The following PIGR variants were observed in gnomAD, a reference collection of about 807,000 sequenced individuals.
PIGR encodes the protein polymeric immunoglobulin receptor, also known as hepatocellular carcinoma associated protein TB6.
Under a neutral mutation model 69.5 loss-of-function variants are expected in PIGR, and 22 were observed. The observed-to-expected ratio is 0.32, with a 90% CI of 0.23 to 0.45. PIGR has a LOEUF of 0.45. Among genes scored for constraint, PIGR ranks in the 20% least tolerant of loss-of-function variants. The pLI, the probability that PIGR is intolerant of heterozygous loss-of-function variation, is 1.00. For missense variants in PIGR, 885 were observed against 974.0 expected, an observed-to-expected ratio of 0.91 and a Z score of 1.22; for synonymous variants, 413 against 407.6, an observed-to-expected ratio of 1.01 and a Z score of -0.16.
chr1:206,939,429 C>T lies in PIGR; in HGVS notation c.78G>A (p.Glu26=). Residue 26 remains glutamate, a synonymous_variant, in exon 3 of 11, where the codon GAG becomes GAA. Coordinates refer to ENST00000356495, the MANE Select transcript of PIGR (RefSeq NM_002644.4). ...AGTTACCTTCCACACTATTCACCTC[C>T]TCGGGACCAAATATGGGACTCTTCG... ...ISTKSPIFGP[E]EVNSVEGNSV... is the part of the protein sequence containing the mutation. 6.2e-7 allele frequency: 1 copy of T among 1,609,346 alleles called. No homozygotes were observed. The highest frequency in any genetic ancestry group is 8.5e-7 in the Non-Finnish European group (1 of 1,176,058).
intron 6 of PIGR, among the ~76,000 whole-genome samples, chr1:206,933,593 G>C (rs1449499080): frequency 6.6e-6 from 1 of 152,166 alleles, no homozygotes; most frequent in Non-Finnish European, 1.5e-5. Flanking sequence ...GATTTCTTGA[G>C]GGACTACAAA....
intron 8 of PIGR, 35 bp downstream of exon 8, chr1:206,932,421 G>A: frequency 6.3e-7 from 1 of 1,587,820 alleles, no homozygotes; most frequent in Non-Finnish European, 8.6e-7. Flanking sequence ...GGCTCGGGTT[G>A]GAGGTGGGAG....
intron 8 of PIGR, among the ~76,000 whole-genome samples, chr1:206,932,047 C>T (rs977275139): frequency 1.3e-5 from 2 of 152,172 alleles, no homozygotes; most frequent in African/African-American, 4.8e-5. Context: ...ACAGCATCTC[C>T]TTTGGTCCTC....
At position 206,933,125 on chromosome 1, in the gene PIGR, C is replaced by G. The variant is rs767466182; in HGVS notation, c.1747G>C (p.Asp583His). 8.7e-6 allele frequency: 14 copies of G among 1,614,186 alleles called. No individual in the cohort carries two copies. The highest frequency in any genetic ancestry group is 1.1e-5 in the Non-Finnish European group (13 of 1,180,028). ...VSLAKADAAP[D>H]EKVLDSGFRE... ...AAACCAGAGTCTAGCACCTTCTCAT[C>G]AGGAGCAGCGTCTGCCTTCGCTAGG... The change falls in exon 7 of 11, where the codon GAT becomes CAT. Residue 583 changes from aspartate to histidine, a missense_variant. Transcript: ENST00000356495.
intron 7 of PIGR, 68 bp from the exon 8 acceptor site, chr1:206,932,645 G>A (rs569123346): frequency 9.2e-6 from 14 of 1,518,826 alleles, no homozygotes; most frequent in East Asian, 7.0e-5. Flanking sequence ...GTGCTGGCAA[G>A]GTTGGCTTAG....
intron 3 of PIGR, among the ~76,000 whole-genome samples, chr1:206,938,304 T>C (rs1304476722): frequency 1.3e-5 from 2 of 152,232 alleles, no homozygotes; most frequent in African/African-American, 4.8e-5. Flanking sequence ...AGCATGTTCT[T>C]CTAAGTGTCC....
intron 2 of PIGR, among the ~76,000 whole-genome samples, chr1:206,940,030 T>C (rs1297598004): frequency 1.3e-5 from 2 of 152,270 alleles, no homozygotes; most frequent in African/African-American, 4.8e-5. Context: ...CCATTGTTTT[T>C]TCAAACAATA....
At chr1:206,944,184 G>T (rs180929801) in intron 1 of PIGR, among the ~76,000 whole-genome samples, 1 of 152,210 alleles carries the variant, frequency 6.6e-6, no homozygotes, top group South Asian at 2.1e-4. Context: ...CTTATAAGGA[G>T]ACACCTGGGG....
chr1:206,938,219 A>C (rs575322420), intron 3 of PIGR, among the ~76,000 whole-genome samples: 1 of 152,318 alleles, frequency 6.6e-6, no homozygotes, highest in South Asian at 2.1e-4. Flanking sequence ...CAAGAGTCTA[A>C]ATGTGAAATG....
At chr1:206,938,476 G>A (rs1327643365) in intron 3 of PIGR, among the ~76,000 whole-genome samples, 1 of 152,138 alleles carries the variant, frequency 6.6e-6, no homozygotes. Context: ...TCTTTTCTCC[G>A]TAGACCTCTC....
intron 1 of PIGR, among the ~76,000 whole-genome samples, chr1:206,943,985 G>T (rs1328448964): frequency 2.0e-5 from 3 of 152,188 alleles, no homozygotes; most frequent in Non-Finnish European, 4.4e-5. Context: ...GCCCAAGGTT[G>T]CACAGTTGGT....
In PIGR at chr1:206,930,673, C is replaced by T. The variant is rs1679721676; in HGVS notation, c.2200-260G>A. On this transcript the variant is annotated intron_variant, in intron 10 of 10. Coordinates refer to ENST00000356495, the MANE Select transcript of PIGR (RefSeq NM_002644.4). This position sits in a 1 kb window ranked among gnomAD's most constrained non-coding sequence, Gnocchi z 4.3. The stretch of plus-strand genomic sequence containing the variant: ...CACGGAGTGGAACCGCCTCTGTTGC[C>T]CGGGCCTGTCCCCGGAAGCTGCCCA... 1.0e-6 allele frequency: 1 copy of T among 985,272 alleles called. No individual in the cohort carries two copies. 61.0% of individuals were successfully genotyped at this position (985,272 alleles called of 1,614,324 possible).
rs1679791347 is a variant in PIGR, at chr1:206,933,077, T to C, written c.1795A>G (p.Ile599Val). ...TCTGCAAAAAGCCTGGGATCCTGAA[T>C]GGCTTTGTTCTCAATCTCCCGAAAA... ...SGFREIENKA[I>V]QDPRLFAEEK... Residue 599 changes from isoleucine to valine, a missense_variant, in exon 7 of 11, where the codon ATT (isoleucine) becomes GTT (valine). Transcript: ENST00000356495. 3 of 1,614,104 alleles carry C rather than the reference T, an allele frequency of 1.9e-6. No homozygotes were observed. The highest frequency in any genetic ancestry group is 2.7e-5 in the African/African-American group (2 of 74,928).
rs747891214 is a variant in PIGR at position 206,932,591 on chromosome 1, T to C, written c.1887-14A>G. On this transcript the variant is annotated splice_polypyrimidine_tract_variant and intron_variant, in intron 7 of 10. Transcript: ENST00000356495. ...TGTTCCTCAGAGCTGGAAGAAGGCT[T>C]AAGTTAGTTCATCCCTGGAAGGGAG... is the stretch of plus-strand genomic sequence containing the variant. 3 of 1,605,268 alleles carry C rather than the reference T, an allele frequency of 1.9e-6. No homozygotes were observed. The highest frequency in any genetic ancestry group is 2.6e-6 in the Non-Finnish European group (3 of 1,175,806).
In PIGR at chr1:206,934,540, G is replaced by C; in HGVS notation, c.1585C>G (p.Leu529Val). The C allele has an allele frequency of 1.2e-6, 2 of 1,614,262 alleles. No individual in the cohort carries two copies. The highest frequency in any genetic ancestry group is 2.2e-5 in the South Asian group (2 of 91,086). ...GCCCTGGTCACCAGGTTCAGGGTCAGGGAGACAAGCCGGCTGTTCTCGTCA... is the reference window on the plus strand; with the variant it reads ...GCCCTGGTCACCAGGTTCAGGGTCACGGAGACAAGCCGGCTGTTCTCGTCA... Reference protein sequence around the residue: ...NCDENSRLVSLTLNLVTRADE... With the variant: ...NCDENSRLVSVTLNLVTRADE... Residue 529 changes from leucine (L) to valine (V), a missense_variant, in exon 6 of 11, where the codon CTG (leucine) becomes GTG (valine). Leu to Val is a conservative substitution (Grantham distance 32). Coordinates refer to ENST00000356495, the MANE Select transcript of PIGR (RefSeq NM_002644.4).
At chr1:206,933,493 G>T (rs1379959735) in intron 6 of PIGR, among the ~76,000 whole-genome samples, 1 of 152,204 alleles carries the variant, frequency 6.6e-6, no homozygotes, top group African/African-American at 2.4e-5. Flanking sequence ...CTTCCTGACT[G>T]CCCAGCTGGG....
At position 206,932,484 on chromosome 1, in the gene PIGR, C is replaced by T. The variant is rs1679774674; in HGVS notation, c.1980G>A (p.Val660=). 6.2e-7 allele frequency: 1 copy of T among 1,612,840 alleles called. No individual in the cohort carries two copies. Among genetic ancestry groups the T allele is most frequent in the African/African-American group, 1.3e-5 (1 of 74,996 alleles). ...VLAVGAVAVG[V]ARARHRKNVD... Reference sequence around the variant, plus strand: ...CGTTCTTCCTGTGCCGGGCTCTGGCCACCCCCACAGCCACGGCTCCCACTG... The same window carrying T: ...CGTTCTTCCTGTGCCGGGCTCTGGCTACCCCCACAGCCACGGCTCCCACTG... Residue 660 remains valine, a synonymous_variant, in exon 8 of 11, where the codon GTG becomes GTA. Coordinates refer to ENST00000356495, the MANE Select transcript of PIGR (RefSeq NM_002644.4).
intron 10 of PIGR, chr1:206,931,187 C>T: frequency 1.0e-6 from 1 of 985,480 alleles, no homozygotes; most frequent in South Asian, 4.7e-5. Context: ...TAATCACCAG[C>T]ATTTGGCATT....
Position 206,934,639 on chromosome 1 carries a change from A to C in PIGR, c.1486T>G (p.Cys496Gly). The part of the protein sequence containing the change: ...CKFSSYEKYW[C>G]KWNNTGCQAL... The stretch of plus-strand genomic sequence containing the variant: ...TGGCAGCCCGTGTTATTCCACTTGC[A>C]CCAGTATTTCTCGTACGAGGAGAAT... Residue 496 changes from cysteine to glycine, a missense_variant, in exon 6 of 11, where the codon TGC becomes GGC. Transcript: ENST00000356495. 6.2e-7 allele frequency: 1 copy of C among 1,614,050 alleles called. No homozygotes were observed. Among genetic ancestry groups the C allele is most frequent in the Non-Finnish European group, 8.5e-7 (1 of 1,179,998 alleles).
Sources: allele counts gnomAD v4.1 joint callset (sites outside exome capture counted in the v4.1 genomes callset), GRCh38; gene constraint gnomAD v4.1.1; non-coding constraint Gnocchi (gnomAD v3.1); transcripts MANE v1.5; gene names NCBI Gene and HGNC (gene_info 2026-07-23, HGNC 2026-07-21).